Variants in MAP4K3 observed in about 807,000 individuals in gnomAD.
MAP4K3 encodes MAPK/ERK kinase kinase kinase 3.
In MAP4K3, 94 loss-of-function variants were observed where a neutral mutation model predicts 143.5. The observed-to-expected ratio is 0.65, with a 90% CI of 0.55 to 0.78. The LOEUF is 0.78. MAP4K3 is among the 30% of genes least tolerant of loss of function. The probability of loss-of-function intolerance (pLI) is 0.00; values close to 1 mark genes in which losing one functional copy is unlikely to be tolerated. For synonymous variants in MAP4K3, 416 were observed against 347.2 expected (o/e 1.20, Z -2.20); for missense variants, 1,077 against 1,068.1 (o/e 1.01, Z -0.12).
chr2:39,259,404 C>T (rs1680473748), intron 29 of MAP4K3, among the ~76,000 whole-genome samples: 1 of 152,158 alleles, frequency 6.6e-6, no homozygotes, highest in South Asian at 2.1e-4. Context: ...CTACATACTA[C>T]ATACTCAATG....
At chr2:39,380,078 T>C (rs949926464) in intron 1 of MAP4K3, among the ~76,000 whole-genome samples, 1 of 152,114 alleles carries the variant, frequency 6.6e-6, no homozygotes, top group Non-Finnish European at 1.5e-5. Flanking sequence ...TAGAATTTCC[T>C]AAAGGCTAAC....
Position 39,269,928 on chromosome 2 carries a change from CT to C in MAP4K3, c.1973+2354del, listed in dbSNP as rs371450975. 1.3e-4 allele frequency among the ~76,000 whole-genome samples: 20 copies of C among 152,134 alleles called. 1 individual carries two copies. The South Asian group carries it at 4.2e-3, about 32-fold the overall frequency. ...TCATATACATTGGAGTTTAATGCAG[CT>C]TAAAATAAAACAAAACAAAAACTCC... On this transcript the variant is annotated intron_variant, in intron 26 of 33. Transcript: ENST00000263881.
intron 14 of MAP4K3, among the ~76,000 whole-genome samples, chr2:39,308,653 T>A (rs1038507582): frequency 2.0e-5 from 3 of 152,212 alleles, no homozygotes; most frequent in African/African-American, 4.8e-5. Context: ...CTCATTTTTT[T>A]ATTGTTCTAT....
intron 24 of MAP4K3, among the ~76,000 whole-genome samples, chr2:39,275,865 A>ATTTATT (rs969501410): frequency 2.0e-5 from 3 of 152,018 alleles, no homozygotes; most frequent in Admixed American, 6.6e-5. Context: ...TTTGTAATCA[A>ATTTATT]TTTATTTTTA....
intron 1 of MAP4K3, among the ~76,000 whole-genome samples, chr2:39,390,396 TCA>T (rs1415025827): frequency 6.6e-6 from 1 of 151,998 alleles, no homozygotes; most frequent in African/African-American, 2.4e-5. Flanking sequence ...CTGCTTTAAA[TCA>T]CAGAGTCTTG....
chr2:39,399,785 G>A (rs1174469528), intron 1 of MAP4K3, among the ~76,000 whole-genome samples: 1 of 152,118 alleles, frequency 6.6e-6, no homozygotes, highest in Non-Finnish European at 1.5e-5. Flanking sequence ...AAGGGCTCCT[G>A]TTACAAGCAT....
intron 1 of MAP4K3, among the ~76,000 whole-genome samples, chr2:39,394,943 T>A (rs538961288): frequency 6.6e-6 from 1 of 152,324 alleles, no homozygotes; most frequent in East Asian, 1.9e-4. Context: ...ACTCTAATTA[T>A]TCTTCCAGAA....
At chr2:39,363,991 A>AT (rs1283692558) in intron 2 of MAP4K3, among the ~76,000 whole-genome samples, 16 of 58,892 alleles carry the variant, frequency 2.7e-4, no homozygotes, top group South Asian at 3.6e-3. Context: ...GATAGCCATT[A>AT]TAAAAAAAAA....
intron 6 of MAP4K3, 152 bp from the exon 7 acceptor site, chr2:39,333,726 T>C (rs1284702890): frequency 6.3e-6 from 3 of 473,984 alleles, no homozygotes; most frequent in Middle Eastern, 5.5e-4. Flanking sequence ...ATTAGAGTCA[T>C]AGGTAAATCT....
chr2:39,419,294 G>A (rs971499180), intron 1 of MAP4K3, among the ~76,000 whole-genome samples: 1 of 151,730 alleles, frequency 6.6e-6, no homozygotes, highest in Non-Finnish European at 1.5e-5. Context: ...TTAGTTTACA[G>A]ATTTTTCTTC....
chr2:39,258,480 AG>A, intron 30 of MAP4K3, 38 bp downstream of exon 30: 1 of 1,594,560 alleles, frequency 6.3e-7, no homozygotes, highest in East Asian at 2.2e-5. Context: ...AGATAAAAGA[AG>A]TCTTATTAAA....
intron 22 of MAP4K3, among the ~76,000 whole-genome samples, chr2:39,282,250 C>A (rs1681566592): frequency 6.6e-6 from 1 of 151,666 alleles, no homozygotes; most frequent in African/African-American, 2.4e-5. Context: ...ATAATCACAG[C>A]ACTTTGGGAA....
intron 1 of MAP4K3, among the ~76,000 whole-genome samples, chr2:39,416,453 A>C (rs1667384090): frequency 6.6e-6 from 1 of 152,148 alleles, no homozygotes; most frequent in Non-Finnish European, 1.5e-5. Context: ...ACATGCTTCT[A>C]CCAGAAGGAA....
chr2:39,270,536 A>T (rs965743442), intron 26 of MAP4K3, among the ~76,000 whole-genome samples: 1 of 152,210 alleles, frequency 6.6e-6, no homozygotes, highest in Non-Finnish European at 1.5e-5. Flanking sequence ...TACACGATTT[A>T]TCATTTTCAA....
intron 6 of MAP4K3, 67 bp downstream of exon 6, chr2:39,336,853 C>T: frequency 1.5e-6 from 1 of 675,698 alleles, no homozygotes; most frequent in Non-Finnish European, 2.4e-6. Flanking sequence ...CAATTTTGCT[C>T]AAAACAATTT....
At chr2:39,427,334 A>AT (rs1214782466) in intron 1 of MAP4K3, among the ~76,000 whole-genome samples, 1 of 152,100 alleles carries the variant, frequency 6.6e-6, no homozygotes, top group Non-Finnish European at 1.5e-5. Flanking sequence ...AAAGAAAGAA[A>AT]AAAAATCCTA....
At chr2:39,262,588 T>C (rs1680612209) in intron 28 of MAP4K3, among the ~76,000 whole-genome samples, 1 of 152,242 alleles carries the variant, frequency 6.6e-6, no homozygotes, top group South Asian at 2.1e-4. Context: ...AGATTTTGAT[T>C]ACTTCTACAT....
At chr2:39,352,673 A>C (rs1665493893) in intron 3 of MAP4K3, among the ~76,000 whole-genome samples, 1 of 152,218 alleles carries the variant, frequency 6.6e-6, no homozygotes, top group South Asian at 2.1e-4. Flanking sequence ...CTTGTTAAGA[A>C]GAATGCCAGG....
chr2:39,263,363 C>G (rs886377258), intron 28 of MAP4K3, among the ~76,000 whole-genome samples: 1 of 149,760 alleles, frequency 6.7e-6, no homozygotes, highest in Non-Finnish European at 1.5e-5. Context: ...AGCTCCGCCT[C>G]CCGGGTTCAG....
Sources: allele counts gnomAD v4.1 joint callset (sites outside exome capture counted in the v4.1 genomes callset), GRCh38; gene constraint gnomAD v4.1.1; transcripts MANE v1.5; gene names NCBI Gene and HGNC (gene_info 2026-07-23, HGNC 2026-07-21).